DYM: variants seen among roughly 807,000 people sequenced by gnomAD.
The protein encoded by DYM is dymeclin.
DYM carries 78 observed loss-of-function variants against 93.1 expected under a neutral mutation model. That is an observed-to-expected ratio of 0.84 (90% CI 0.70 to 1.01). The LOEUF (loss-of-function observed/expected upper bound fraction) is 1.01, where lower values mean the gene tolerates loss of function less well. Ranked by LOEUF, DYM falls within the 50% of genes least tolerant of loss-of-function variation. The probability of loss-of-function intolerance (pLI) is 0.00; values close to 1 mark genes in which losing one functional copy is unlikely to be tolerated. For missense variants in DYM, 789 were observed against 845.0 expected (o/e 0.93, Z 0.82); for synonymous variants, 321 against 319.7 (o/e 1.00, Z -0.04).
intron 8 of DYM, among the ~76,000 whole-genome samples, chr18:49,298,923 C>G (rs1255036227): frequency 5.3e-5 from 8 of 152,114 alleles, no homozygotes; most frequent in Non-Finnish European, 1.0e-4. Flanking sequence ...AATGTAAAAG[C>G]CTTGTGCCCT....
At chr18:49,306,834 C>A (rs1460394871) in intron 8 of DYM, among the ~76,000 whole-genome samples, 1 of 152,098 alleles carries the variant, frequency 6.6e-6, no homozygotes, top group Non-Finnish European at 1.5e-5. Flanking sequence ...GAAGATTCTT[C>A]GTGTAATTCA....
At chr18:49,158,652 TG>T (rs1410275712) in intron 15 of DYM, among the ~76,000 whole-genome samples, 3 of 152,180 alleles carry the variant, frequency 2.0e-5, no homozygotes, top group Non-Finnish European at 4.4e-5. Flanking sequence ...TGAGTTCAGT[TG>T]TATTAATTTT....
Position 49,218,266 on chromosome 18 carries a change from G to T in DYM, c.1461-8551C>A, listed in dbSNP as rs1358770258. Among the ~76,000 whole-genome samples, 8 of 151,958 alleles carry T rather than the reference G, an allele frequency of 5.3e-5. No homozygotes were observed. In the South Asian group the frequency reaches 1.2e-3, roughly 24 times the overall value. On this transcript the variant is annotated intron_variant, in intron 13 of 17. Coordinates refer to ENST00000675505, the MANE Select transcript of DYM (RefSeq NM_001353214.3). Reference sequence around the variant, plus strand: ...CCAGATTCATAAAGCAAGTCCTGAGGGACCTACAAAGAGACTTAGACTCCC... The same window carrying T: ...CCAGATTCATAAAGCAAGTCCTGAGTGACCTACAAAGAGACTTAGACTCCC...
chr18:49,205,384 C>T (rs2092419745), intron 14 of DYM, among the ~76,000 whole-genome samples: 1 of 152,032 alleles, frequency 6.6e-6, no homozygotes, highest in Admixed American at 6.5e-5. Flanking sequence ...CTATATGAGT[C>T]AAGGTGTGCC....
chr18:49,215,943 C>T (rs1336136690), intron 13 of DYM, among the ~76,000 whole-genome samples: 4 of 146,596 alleles, frequency 2.7e-5, no homozygotes, highest in African/African-American at 4.9e-5. Context: ...CGAAGCAGGG[C>T]GAGGCATTGC....
At chr18:49,123,889 A>G (rs1339809053) in intron 15 of DYM, among the ~76,000 whole-genome samples, 3 of 152,200 alleles carry the variant, frequency 2.0e-5, no homozygotes, top group Non-Finnish European at 1.5e-5. Flanking sequence ...GGGCAACCCA[A>G]TGAAATGGTA....
At chr18:49,099,530 C>T (rs1018549106) in intron 16 of DYM, among the ~76,000 whole-genome samples, 1 of 152,038 alleles carries the variant, frequency 6.6e-6, no homozygotes, top group Non-Finnish European at 1.5e-5. Context: ...CAATATACTA[C>T]AGCACTGATG....
intron 6 of DYM, among the ~76,000 whole-genome samples, chr18:49,360,839 G>A (rs2147319116): frequency 6.6e-6 from 1 of 152,272 alleles, no homozygotes; most frequent in East Asian, 1.9e-4. Context: ...ATGGGATCCA[G>A]GGCCAATGTA....
chr18:49,378,750 T>C (rs377212802), intron 4 of DYM, 50 bp from the exon 5 acceptor site: 100 of 1,590,470 alleles, frequency 6.3e-5, no homozygotes, highest in East Asian at 2.3e-4. Flanking sequence ...ATAAGCACCA[T>C]AGTTTATTTC....
chr18:49,089,159 T>C (rs918226237), intron 17 of DYM, among the ~76,000 whole-genome samples: 1 of 152,148 alleles, frequency 6.6e-6, no homozygotes, highest in Non-Finnish European at 1.5e-5. Flanking sequence ...TTACACCTCA[T>C]AGAATTGCTA....
At chr18:49,153,161 T>C (rs1380298069) in intron 15 of DYM, among the ~76,000 whole-genome samples, 1 of 152,238 alleles carries the variant, frequency 6.6e-6, no homozygotes, top group African/African-American at 2.4e-5. Context: ...GATGTGTTAA[T>C]TGACTTAATT....
intron 5 of DYM, among the ~76,000 whole-genome samples, chr18:49,373,123 A>G (rs140926515): frequency 1.1e-3 from 168 of 152,338 alleles, no homozygotes; most frequent in Middle Eastern, 0.01. Context: ...AAATAATTTT[A>G]TATTACAATA....
chr18:49,133,773 G>C (rs970838202), intron 15 of DYM, among the ~76,000 whole-genome samples: 1 of 152,216 alleles, frequency 6.6e-6, no homozygotes, highest in African/African-American at 2.4e-5. Context: ...TGTGTGTTTA[G>C]GTTAGACCCA....
intron 14 of DYM, among the ~76,000 whole-genome samples, chr18:49,199,361 A>G (rs2091812891): frequency 6.6e-6 from 1 of 152,236 alleles, no homozygotes; most frequent in Non-Finnish European, 1.5e-5. Flanking sequence ...CATGTACCCT[A>G]AAACTTAAAG....
intron 17 of DYM, among the ~76,000 whole-genome samples, chr18:49,057,603 C>T (rs1379971721): frequency 6.6e-6 from 1 of 152,234 alleles, no homozygotes; most frequent in African/African-American, 2.4e-5. Flanking sequence ...ACCACCATGA[C>T]ATCTGCTGTC....
At chr18:49,167,027 TGTGTGTGC>T (rs1463147744) in intron 14 of DYM, among the ~76,000 whole-genome samples, 47 of 117,350 alleles carry the variant, frequency 4.0e-4, no homozygotes, top group African/African-American at 1.2e-3. Flanking sequence ...TGTGTGTGTG[TGTGTGTGC>T]GCGCCTGTGT....
intron 15 of DYM, among the ~76,000 whole-genome samples, chr18:49,145,211 T>C (rs917896565): frequency 2.0e-5 from 3 of 148,214 alleles, no homozygotes; most frequent in Non-Finnish European, 4.5e-5. Context: ...TACTAATGTG[T>C]TTTATTAAAC....
chr18:49,195,914 A>G (rs983362485), intron 14 of DYM, among the ~76,000 whole-genome samples: 3 of 97,764 alleles, frequency 3.1e-5, no homozygotes, highest in African/African-American at 1.0e-4. Context: ...GAATGCTACC[A>G]TCTTTTTTTT....
intron 1 of DYM, among the ~76,000 whole-genome samples, chr18:49,432,956 A>C (rs1286439663): frequency 6.6e-6 from 1 of 152,222 alleles, no homozygotes; most frequent in Non-Finnish European, 1.5e-5. Context: ...ATTAAGTTTG[A>C]AAGTAGAATA....
Sources: gnomAD v4.1 joint callset for allele counts (sites outside exome capture counted in the v4.1 genomes callset) on GRCh38, gnomAD v4.1.1 for gene constraint, MANE v1.5 for transcripts, NCBI Gene and HGNC (gene_info 2026-07-23, HGNC 2026-07-21) for gene names.